Variants in ZNF704 observed in about 807,000 individuals in gnomAD.
The protein encoded by ZNF704 is zinc finger protein 704.
A neutral mutation model predicts 44.7 loss-of-function variants in ZNF704; 10 were observed. The ratio of observed to expected loss-of-function variants is 0.22; its 90% CI spans 0.14 to 0.38. The LOEUF (loss-of-function observed/expected upper bound fraction) is 0.38, where lower values mean the gene tolerates loss of function less well. Among genes scored for constraint, ZNF704 ranks in the 10% least tolerant of loss-of-function variants. The pLI is 1.00. For synonymous variants in ZNF704, 211 were observed against 207.6 expected (o/e 1.02, Z -0.14); for missense variants, 390 against 545.5 (o/e 0.71, Z 2.84).
chr8:80,822,689 C>T (rs1229872162), intron 1 of ZNF704, among the ~76,000 whole-genome samples: 2 of 152,114 alleles, frequency 1.3e-5, no homozygotes, highest in Non-Finnish European at 2.9e-5. Context: ...CCTATTTCTC[C>T]ACATCCTCTC....
At chr8:80,827,295 A>G (rs1351485213) in intron 1 of ZNF704, among the ~76,000 whole-genome samples, 1 of 152,204 alleles carries the variant, frequency 6.6e-6, no homozygotes, top group Non-Finnish European at 1.5e-5. Flanking sequence ...ACAAACAGCC[A>G]AATCATGAGT....
chr8:80,799,733 C>T (rs1483017327), intron 2 of ZNF704, among the ~76,000 whole-genome samples: 2 of 152,136 alleles, frequency 1.3e-5, no homozygotes, highest in Non-Finnish European at 2.9e-5. Context: ...ACGCTGAAAA[C>T]TCAAAAAGCC....
chr8:80,732,614 A>T (rs147247078), intron 2 of ZNF704, among the ~76,000 whole-genome samples: 165 of 152,338 alleles, frequency 1.1e-3, no homozygotes, highest in African/African-American at 3.9e-3. Context: ...TCTTTAGATG[A>T]CTGCCCCCAG....
In ZNF704 at chr8:80,633,874, A is replaced by G. The variant is rs902257514; in HGVS notation, c.*7492T>C. The G allele has an allele frequency of 2.6e-5, 4 of 152,270 alleles. No individual in the cohort carries two copies. Among genetic ancestry groups the G allele is most frequent in the Middle Eastern group, 3.4e-3 (1 of 294 alleles). The allele number at this position is 152,270 out of a possible 1,614,324, so 9.4% of individuals were successfully genotyped here. A position where few individuals can be genotyped will look rare whatever the true frequency, so the allele number is the denominator to read the frequency against. On this transcript the variant is annotated 3_prime_UTR_variant, in exon 9 of 9. Transcript: ENST00000327835. ...AACTTCTAATTTTTTTCATGACATA[A>G]TTTATTCTCATTTTGCTTTCCCCTC...
At chr8:80,644,701 G>A (rs148245574) in intron 7 of ZNF704, among the ~76,000 whole-genome samples, 8,454 of 152,190 alleles carry the variant, frequency 0.056, 261 homozygotes, top group Middle Eastern at 0.092. Context: ...TGGCTTCTGG[G>A]GTCACACTCA....
intron 2 of ZNF704, among the ~76,000 whole-genome samples, chr8:80,732,952 T>TAAAA (rs59640222): frequency 6.4e-5 from 5 of 78,658 alleles, no homozygotes; most frequent in African/African-American, 1.7e-4. Context: ...AGACCTTGCC[T>TAAAA]AAAAAAAAAA....
In ZNF704 at chr8:80,641,296, T is replaced by C. The variant is rs779136768; in HGVS notation, c.*70A>G. 4 of 1,087,872 alleles carry C rather than the reference T, an allele frequency of 3.7e-6. No homozygotes were observed. The highest frequency in any genetic ancestry group is 1.3e-6 in the Non-Finnish European group (1 of 751,362). The allele number at this position is 1,087,872 out of a possible 1,614,324, so 67.4% of individuals were successfully genotyped here. A position where few individuals can be genotyped will look rare whatever the true frequency, so the allele number is the denominator to read the frequency against. On this transcript the variant is annotated 3_prime_UTR_variant, in exon 9 of 9. Coordinates refer to ENST00000327835, the MANE Select transcript of ZNF704 (RefSeq NM_001033723.3). ...GTTTTATTCAGTAGGAAAAGCTCTT[T>C]CCAACACCTGCAGTGGCAGGCCAGG...
rs566320690 is a variant in ZNF704 at position 80,711,578 on chromosome 8, C to T, written c.222-18471G>A. ...AACTTGAGGGAGTACCTGTGGAGTT[C>T]AAAATATATAACCTGTCTTTAAAGG... On this transcript the variant is annotated intron_variant, in intron 2 of 8. Transcript: ENST00000327835. 1.1e-3 allele frequency among the ~76,000 whole-genome samples: 171 copies of T among 152,242 alleles called. 1 individual carries two copies. The highest frequency in any genetic ancestry group is 2.7e-3 in the Admixed American group (42 of 15,296).
intron 2 of ZNF704, among the ~76,000 whole-genome samples, chr8:80,774,313 T>C (rs781029289): frequency 2.6e-5 from 4 of 152,100 alleles, no homozygotes; most frequent in Admixed American, 1.3e-4. Flanking sequence ...CAAGCAATCC[T>C]CCTGTCTTGC....
chr8:80,695,548 C>G (rs1046128660), intron 2 of ZNF704, among the ~76,000 whole-genome samples: 32 of 152,208 alleles, frequency 2.1e-4, no homozygotes, highest in Non-Finnish European at 2.9e-5. Context: ...TTTCCGTCTT[C>G]TACATCTTGG....
At chr8:80,852,196 C>T (rs1233811591) in intron 1 of ZNF704, among the ~76,000 whole-genome samples, 1 of 152,080 alleles carries the variant, frequency 6.6e-6, no homozygotes, top group East Asian at 1.9e-4. Context: ...AAAATCTGCA[C>T]TGAAAAGGAA....
chr8:80,811,882 T>C (rs1808089210), intron 2 of ZNF704, among the ~76,000 whole-genome samples: 1 of 152,216 alleles, frequency 6.6e-6, no homozygotes, highest in East Asian at 1.9e-4. Flanking sequence ...TTCTGCCTCC[T>C]GTCAGATCAG....
At chr8:80,858,299 C>CTGGCTTCCAG (rs1251608066) in intron 1 of ZNF704, among the ~76,000 whole-genome samples, 1 of 152,188 alleles carries the variant, frequency 6.6e-6, no homozygotes, top group Non-Finnish European at 1.5e-5. Flanking sequence ...TGGAAGATCA[C>CTGGCTTCCAG]TGATTAAAGG....
intron 1 of ZNF704, among the ~76,000 whole-genome samples, chr8:80,840,060 T>C (rs1475152485): frequency 6.6e-6 from 1 of 152,196 alleles, no homozygotes; most frequent in East Asian, 1.9e-4. Context: ...ACCTGGCACA[T>C]ACTGGGTGCT....
chr8:80,762,912 T>A (rs1039471617), intron 2 of ZNF704, among the ~76,000 whole-genome samples: 1 of 152,222 alleles, frequency 6.6e-6, no homozygotes, highest in Non-Finnish European at 1.5e-5. Context: ...ACAGGGGCTA[T>A]AGGCCCCATG....
chr8:80,633,488 A>C lies in ZNF704; in HGVS notation c.*7878T>G, dbSNP rs1357245490. The C allele has an allele frequency of 2.0e-5, 3 of 152,172 alleles. No homozygotes were observed. Among genetic ancestry groups the C allele is most frequent in the Non-Finnish European group, 4.4e-5 (3 of 68,024 alleles). The allele number at this position is 152,172 out of a possible 1,614,324, so 9.4% of individuals were successfully genotyped here. Reference sequence around the variant, plus strand: ...GTGGGCTCTTTATGTCTATGCTGAAAGGCCTGGACTGAATAGATGGTTTGA... The same window carrying C: ...GTGGGCTCTTTATGTCTATGCTGAACGGCCTGGACTGAATAGATGGTTTGA... On this transcript the variant is annotated 3_prime_UTR_variant, in exon 9 of 9. Transcript: ENST00000327835.
At chr8:80,650,699 C>G (rs1817903591) in intron 7 of ZNF704, among the ~76,000 whole-genome samples, 3 of 152,096 alleles carry the variant, frequency 2.0e-5, no homozygotes, top group Admixed American at 2.0e-4. Flanking sequence ...ACTGGTGTAC[C>G]CGAAAGTGAC....
At chr8:80,653,973 T>C (rs1817966362) in intron 7 of ZNF704, among the ~76,000 whole-genome samples, 2 of 152,178 alleles carry the variant, frequency 1.3e-5, no homozygotes, top group South Asian at 4.1e-4. Flanking sequence ...AATAGCATGG[T>C]AATGGTACCA....
intron 6 of ZNF704, among the ~76,000 whole-genome samples, chr8:80,664,024 C>T (rs1406942592): frequency 6.6e-6 from 1 of 151,996 alleles, no homozygotes; most frequent in Non-Finnish European, 1.5e-5. Context: ...AGCCACTGTG[C>T]CCGGCCTTAT....
Sources: allele counts gnomAD v4.1 joint callset (sites outside exome capture counted in the v4.1 genomes callset), GRCh38; gene constraint gnomAD v4.1.1; transcripts MANE v1.5; gene names NCBI Gene and HGNC (gene_info 2026-07-23, HGNC 2026-07-21).